Variants in NLN observed in about 807,000 individuals in gnomAD.
NLN encodes the protein neurolysin, mitochondrial.
NLN carries 64 observed loss-of-function variants against 79.9 expected under a neutral mutation model. The observed-to-expected ratio is 0.80, with a 90% CI of 0.65 to 0.99. The LOEUF (loss-of-function observed/expected upper bound fraction) is 0.99. Among genes scored for constraint, NLN ranks in the 50% least tolerant of loss-of-function variants. The pLI is 0.00. For synonymous variants in NLN, 267 were observed against 296.6 expected, an observed-to-expected ratio of 0.90 and a Z score of 1.02; for missense variants, 835 against 858.7, an observed-to-expected ratio of 0.97 and a Z score of 0.34.
rs1371513256 is a variant in NLN, at chr5:65,809,994, T to TC, written c.1715-42dup. ...ATCTTGTGATAATAAAACACACAGT[T>TC]CTGTCTTCTTCAAAACATGCCCAAA... On this transcript the variant is annotated intron_variant, in intron 10 of 12. Transcript: ENST00000380985. The TC allele has an allele frequency of 3.1e-6, 5 of 1,606,312 alleles. No individual in the cohort carries two copies. The African/African-American group carries it at 6.7e-5, about 21-fold the overall frequency.
chr5:65,723,196 T>A (rs1455313742), intron 1 of NLN, among the ~76,000 whole-genome samples: 1 of 152,216 alleles, frequency 6.6e-6, no homozygotes, highest in Non-Finnish European at 1.5e-5. Context: ...TTCAACAGAA[T>A]AAAGAAAATG....
chr5:65,817,234 A>G (rs1335285602), intron 12 of NLN, among the ~76,000 whole-genome samples: 3 of 152,192 alleles, frequency 2.0e-5, no homozygotes, highest in African/African-American at 7.2e-5. Context: ...TTCATAGTAA[A>G]TAGACATCAC....
chr5:65,778,688 T>A (rs1759730850), intron 4 of NLN, among the ~76,000 whole-genome samples: 1 of 152,208 alleles, frequency 6.6e-6, no homozygotes, highest in Non-Finnish European at 1.5e-5. Flanking sequence ...GTTGGTTTGA[T>A]CCTGATGCAC....
At chr5:65,775,776 A>AT (rs1285474441) in intron 3 of NLN, among the ~76,000 whole-genome samples, 2 of 152,196 alleles carry the variant, frequency 1.3e-5, no homozygotes, top group Non-Finnish European at 2.9e-5. Context: ...TGCTGCTAGC[A>AT]TCCCATTGTG....
chr5:65,754,947 C>G (rs1488210456), intron 1 of NLN, among the ~76,000 whole-genome samples: 1 of 152,190 alleles, frequency 6.6e-6, no homozygotes, highest in Non-Finnish European at 1.5e-5. Flanking sequence ...CTCCAGTGTT[C>G]ATGTAGGCAA....
chr5:65,725,978 G>T (rs1236104728), intron 1 of NLN, among the ~76,000 whole-genome samples: 1 of 152,160 alleles, frequency 6.6e-6, no homozygotes, highest in African/African-American at 2.4e-5. Context: ...CGGGCGTGGT[G>T]GCGGGCGCCT....
At position 65,826,696 on chromosome 5, in the gene NLN, A is replaced by T. The variant is rs905895994; in HGVS notation, c.*3781A>T. The stretch of plus-strand genomic sequence containing the variant: ...GAGGCAGGAGGATCCTTTGTGCTCA[A>T]GAGTTTGAGACCAGCCTGAGCAACA... On this transcript the variant is annotated 3_prime_UTR_variant, in exon 13 of 13. Transcript: ENST00000380985. The T allele has an allele frequency of 6.6e-6, 1 of 152,172 alleles. No individual in the cohort carries two copies. The allele number at this position is 152,172 out of a possible 1,614,324, so 9.4% of individuals were successfully genotyped here. A position where few individuals can be genotyped will look rare whatever the true frequency, so the allele number is the denominator to read the frequency against.
chr5:65,784,710 A>G (rs1759878002), intron 6 of NLN, among the ~76,000 whole-genome samples: 1 of 152,226 alleles, frequency 6.6e-6, no homozygotes, highest in African/African-American at 2.4e-5. Context: ...AGCATGTGGC[A>G]TTAAGTATAT....
chr5:65,752,194 G>A lies in NLN; in HGVS notation c.42-6373G>A, dbSNP rs555403461. Among the ~76,000 whole-genome samples the A allele has an allele frequency of 4.5e-4, 69 of 151,858 alleles. 1 individual carries two copies. The highest frequency in any genetic ancestry group is 3.1e-3 in the Admixed American group (47 of 15,228). The stretch of plus-strand genomic sequence containing the variant: ...TGAGGCTACAGTGAGCCATGATCAC[G>A]CCACCTGGACTGTAGCCTGGCTGAG... On this transcript the variant is annotated intron_variant, in intron 1 of 12. Coordinates refer to ENST00000380985, the MANE Select transcript of NLN (RefSeq NM_020726.5).
chr5:65,804,474 C>T (rs1267453756), intron 9 of NLN, among the ~76,000 whole-genome samples: 1 of 152,094 alleles, frequency 6.6e-6, no homozygotes, highest in Non-Finnish European at 1.5e-5. Flanking sequence ...GCTGTTTTTC[C>T]AACAGCATGT....
rs1579967725 is a variant in NLN at position 65,809,579 on chromosome 5, T to C, written c.1592T>C (p.Met531Thr). 6.2e-7 allele frequency: 1 copy of C among 1,613,888 alleles called. No individual in the cohort carries two copies. Among genetic ancestry groups the C allele is most frequent in the African/African-American group, 1.3e-5 (1 of 75,044 alleles). The change falls in exon 10 of 13, where the codon ATG becomes ACG. Residue 531 changes from methionine to threonine, a missense_variant. Coordinates refer to ENST00000380985, the MANE Select transcript of NLN (RefSeq NM_020726.5). ...GACTTTGTAGAGGTGCCATCGCAAA[T>C]GCTTGAAAATTGGGTGTGGGACGTC... The part of the protein sequence containing the change: ...ETDFVEVPSQ[M>T]LENWVWDVDS...
intron 5 of NLN, 63 bp downstream of exon 5, chr5:65,780,344 T>C: frequency 1.6e-6 from 1 of 628,088 alleles, no homozygotes. Flanking sequence ...TACCTCACAG[T>C]TTGTTTTACT....
chr5:65,818,068 G>A (rs921157025), intron 12 of NLN, among the ~76,000 whole-genome samples: 1 of 152,188 alleles, frequency 6.6e-6, no homozygotes, highest in Middle Eastern at 3.2e-3. Context: ...GAAGGAATTC[G>A]AATTGATTTC....
chr5:65,781,748 C>T (rs1051127552), intron 6 of NLN, among the ~76,000 whole-genome samples: 8 of 152,216 alleles, frequency 5.3e-5, no homozygotes, highest in Admixed American at 5.2e-4. Context: ...GACAGGGATT[C>T]TCAGTCATCT....
At chr5:65,734,748 A>G (rs114435126) in intron 1 of NLN, among the ~76,000 whole-genome samples, 439 of 152,324 alleles carry the variant, frequency 2.9e-3, no homozygotes, top group Non-Finnish European at 5.1e-3. Context: ...TGAAATAATC[A>G]CAGGTTGATG....
At chr5:65,770,067 T>G (rs1759535154) in intron 3 of NLN, among the ~76,000 whole-genome samples, 1 of 152,208 alleles carries the variant, frequency 6.6e-6, no homozygotes, top group African/African-American at 2.4e-5. Flanking sequence ...CAATTCCTGA[T>G]GGATTAAAGT....
rs1387434982 is a variant in NLN at position 65,828,297 on chromosome 5, G to A, written c.*5382G>A. On this transcript the variant is annotated 3_prime_UTR_variant, in exon 13 of 13. Transcript: ENST00000380985. ...AAAAGAATAATCCCCCCGGACTCCAGTGTAAGATCAATTACTGTTGGAATA... is the reference window on the plus strand; with the variant it reads ...AAAAGAATAATCCCCCCGGACTCCAATGTAAGATCAATTACTGTTGGAATA... The A allele has an allele frequency of 2.0e-5, 3 of 152,218 alleles. No homozygotes were observed. The highest frequency in any genetic ancestry group is 7.2e-5 in the African/African-American group (3 of 41,466). 9.4% of individuals were successfully genotyped at this position (152,218 alleles called of 1,614,324 possible).
intron 9 of NLN, among the ~76,000 whole-genome samples, chr5:65,804,092 T>C (rs1398994652): frequency 1.3e-5 from 2 of 152,250 alleles, no homozygotes; most frequent in Admixed American, 6.5e-5. Flanking sequence ...ATAAGACTTT[T>C]GTATTTTAGA....
At position 65,763,767 on chromosome 5, in the gene NLN, G is replaced by A. The variant is rs117141451; in HGVS notation, c.450+659G>A. 3.7e-3 allele frequency among the ~76,000 whole-genome samples: 554 copies of A among 151,262 alleles called. 10 individuals carry two copies. The East Asian group carries it at 0.042, about 12-fold the overall frequency. ...ATTACTTTTTCCTTTTTAGCAGACCGTGACAAGAGTTGGAATATTTAATAT... is the reference window on the plus strand; with the variant it reads ...ATTACTTTTTCCTTTTTAGCAGACCATGACAAGAGTTGGAATATTTAATAT... On this transcript the variant is annotated intron_variant, in intron 3 of 12. Coordinates refer to ENST00000380985, the MANE Select transcript of NLN (RefSeq NM_020726.5).
Sources: gnomAD v4.1 joint callset for allele counts (sites outside exome capture counted in the v4.1 genomes callset) on GRCh38, gnomAD v4.1.1 for gene constraint, MANE v1.5 for transcripts, NCBI Gene and HGNC (gene_info 2026-07-23, HGNC 2026-07-21) for gene names.